DPP10: variants seen among roughly 807,000 people sequenced by gnomAD.
DPP10 encodes inactive dipeptidyl peptidase 10.
Under a neutral mutation model 120.9 loss-of-function variants are expected in DPP10, and 33 were observed. The ratio of observed to expected loss-of-function variants is 0.27; its 90% confidence interval spans 0.21 to 0.37. DPP10 has a LOEUF of 0.37. DPP10 is among the 10% of genes least tolerant of loss of function. The pLI is 1.00. For synonymous variants in DPP10, 337 were observed against 326.1 expected (o/e 1.03, Z -0.36); for missense variants, 816 against 942.8 (o/e 0.87, Z 1.76).
At chr2:115,064,010 T>G (rs1573477982) in intron 1 of DPP10, among the ~76,000 whole-genome samples, 1 of 152,346 alleles carries the variant, frequency 6.6e-6, no homozygotes, top group South Asian at 2.1e-4. Flanking sequence ...TGCCTTTTGT[T>G]AAAATTTGCC....
At chr2:115,315,094 A>G (rs2061728517) in intron 2 of DPP10, among the ~76,000 whole-genome samples, 2 of 152,062 alleles carry the variant, frequency 1.3e-5, no homozygotes, top group Admixed American at 1.3e-4. Flanking sequence ...TGACCTTGGT[A>G]TTCGACTGAC....
At chr2:114,905,013 A>AT (rs1377610937) in intron 1 of DPP10, among the ~76,000 whole-genome samples, 1 of 152,200 alleles carries the variant, frequency 6.6e-6, no homozygotes, top group African/African-American at 2.4e-5. Flanking sequence ...ATTTCTAGAT[A>AT]TTTTTTATTT....
chr2:115,734,217 C>T (rs975357532), intron 8 of DPP10, among the ~76,000 whole-genome samples: 17 of 152,138 alleles, frequency 1.1e-4, no homozygotes, highest in African/African-American at 3.6e-4. Context: ...TCTTGAAAAG[C>T]GTACTCAAAT....
chr2:115,678,803 G>C (rs538821017), intron 5 of DPP10, among the ~76,000 whole-genome samples: 53 of 152,350 alleles, frequency 3.5e-4, no homozygotes, highest in Non-Finnish European at 5.6e-4. Context: ...TAAAGCCACA[G>C]TGGGTGGAGA....
intron 1 of DPP10, among the ~76,000 whole-genome samples, chr2:114,730,707 C>G (rs554854413): frequency 6.6e-6 from 1 of 152,216 alleles, no homozygotes; most frequent in South Asian, 2.1e-4. Flanking sequence ...GATTCTCCTG[C>G]CTCCGCCTCC....
intron 21 of DPP10, among the ~76,000 whole-genome samples, 182 bp from the exon 22 acceptor site, chr2:115,835,975 A>G (rs889842485): frequency 1.3e-5 from 2 of 152,140 alleles, no homozygotes; most frequent in African/African-American, 4.8e-5. Context: ...TTAATTGTAC[A>G]AAATGATTTT....
intron 1 of DPP10, among the ~76,000 whole-genome samples, chr2:114,672,167 T>G (rs1298716944): frequency 6.6e-6 from 1 of 152,174 alleles, no homozygotes; most frequent in Non-Finnish European, 1.5e-5. Context: ...AAGAAATTAC[T>G]AAAGCCAGGG....
At chr2:114,951,533 T>C (rs760895145) in intron 1 of DPP10, among the ~76,000 whole-genome samples, 8 of 152,192 alleles carry the variant, frequency 5.3e-5, no homozygotes, top group Non-Finnish European at 1.0e-4. Flanking sequence ...TCTAAGTTAT[T>C]AGATATAAAT....
intron 1 of DPP10, among the ~76,000 whole-genome samples, chr2:115,038,848 C>T (rs776823440): frequency 6.6e-6 from 1 of 152,120 alleles, no homozygotes; most frequent in Non-Finnish European, 1.5e-5. Context: ...AACTTAAATA[C>T]GTATCTCTTT....
chr2:114,871,950 G>A (rs150898153), intron 1 of DPP10, among the ~76,000 whole-genome samples: 24 of 152,296 alleles, frequency 1.6e-4, no homozygotes, highest in African/African-American at 5.8e-4. Context: ...GATCTAGGTT[G>A]TGAGCTCCTT....
At chr2:115,453,626 T>C (rs980025788) in intron 3 of DPP10, among the ~76,000 whole-genome samples, 7 of 151,592 alleles carry the variant, frequency 4.6e-5, no homozygotes, top group Admixed American at 6.6e-5. Context: ...ATTTATAGAA[T>C]GCAACTAAAA....
intron 1 of DPP10, among the ~76,000 whole-genome samples, chr2:115,206,973 A>T (rs911257277): frequency 6.6e-6 from 1 of 152,136 alleles, no homozygotes; most frequent in Non-Finnish European, 1.5e-5. Context: ...AACCAATATG[A>T]CTGTATTGGA....
chr2:115,136,430 G>A (rs958108023), intron 1 of DPP10, among the ~76,000 whole-genome samples: 1 of 152,140 alleles, frequency 6.6e-6, no homozygotes, highest in Non-Finnish European at 1.5e-5. Flanking sequence ...TTTACAGGTC[G>A]CATCAACTGG....
At chr2:115,433,562 T>G (rs900754774) in intron 3 of DPP10, among the ~76,000 whole-genome samples, 1 of 152,016 alleles carries the variant, frequency 6.6e-6, no homozygotes, top group Non-Finnish European at 1.5e-5. Flanking sequence ...CCATTCTCTG[T>G]GTGACACAGT....
chr2:115,508,082 G>A (rs1426845646), intron 4 of DPP10, among the ~76,000 whole-genome samples: 1 of 152,028 alleles, frequency 6.6e-6, no homozygotes, highest in Non-Finnish European at 1.5e-5. Flanking sequence ...TCTATTTCAT[G>A]GTTAGGTCTT....
chr2:115,826,984 T>C lies in DPP10; in HGVS notation c.1951-9173T>C, dbSNP rs116663966. Among the ~76,000 whole-genome samples, 1,132 of 152,244 alleles carry C rather than the reference T, an allele frequency of 7.4e-3. 24 individuals are homozygous for C. The highest frequency in any genetic ancestry group is 0.026 in the African/African-American group (1,077 of 41,536). On this transcript the variant is annotated intron_variant, in intron 21 of 25. Coordinates refer to ENST00000410059, the MANE Select transcript of DPP10 (RefSeq NM_020868.6). ...ATGTATTTAGCTCTTTCACCTTTAA[T>C]GTAATCATTGTTATTGTTGCATTAA... is the stretch of plus-strand genomic sequence containing the variant.
At chr2:115,690,044 C>T in intron 7 of DPP10, 123 bp downstream of exon 7, 1 of 814,854 alleles carries the variant, frequency 1.2e-6, no homozygotes, top group South Asian at 1.9e-5. Context: ...TCCCTAAGTC[C>T]TTTATATCTT....
At chr2:114,981,198 G>T (rs552624207) in intron 1 of DPP10, among the ~76,000 whole-genome samples, 3 of 151,962 alleles carry the variant, frequency 2.0e-5, no homozygotes, top group African/African-American at 7.2e-5. Flanking sequence ...TTTCAGCTGG[G>T]GCTATACGAT....
At chr2:115,373,767 T>A (rs1225506833) in intron 3 of DPP10, among the ~76,000 whole-genome samples, 1 of 150,718 alleles carries the variant, frequency 6.6e-6, no homozygotes, top group Non-Finnish European at 1.5e-5. Flanking sequence ...AGAAAAGAGG[T>A]TTCATTGACT....
Sources: gnomAD v4.1 joint callset for allele counts (sites outside exome capture counted in the v4.1 genomes callset) on GRCh38, gnomAD v4.1.1 for gene constraint, MANE v1.5 for transcripts, NCBI Gene and HGNC (gene_info 2026-07-23, HGNC 2026-07-21) for gene names.